The following OSMR variants were observed in gnomAD, a reference collection of about 807,000 sequenced individuals.
The protein encoded by OSMR is oncostatin-M-specific receptor subunit beta.
A neutral mutation model predicts 99.9 loss-of-function variants in OSMR; 81 were observed. That is an observed-to-expected ratio of 0.81 (90% CI 0.68 to 0.97). The LOEUF is 0.97. Ranked by LOEUF, OSMR falls within the 50% of genes least tolerant of loss-of-function variation. The pLI, the probability that OSMR is intolerant of heterozygous loss-of-function variation, is 0.00. For synonymous variants in OSMR, 406 were observed against 410.4 expected, an observed-to-expected ratio of 0.99 and a Z score of 0.13; for missense variants, 1,099 against 1,153.4, an observed-to-expected ratio of 0.95 and a Z score of 0.68.
intron 9 of OSMR, among the ~76,000 whole-genome samples, chr5:38,912,021 C>G (rs562540441): frequency 3.4e-4 from 51 of 152,026 alleles, no homozygotes; most frequent in South Asian, 2.9e-3. Context: ...GATGTCCACT[C>G]TCACCACTCC....
At chr5:38,875,146 T>G (rs143153153) in intron 2 of OSMR, among the ~76,000 whole-genome samples, 1 of 152,256 alleles carries the variant, frequency 6.6e-6, no homozygotes. Context: ...TCTTACGCCA[T>G]GAGTCATCAG....
chr5:38,876,152 A>C, intron 2 of OSMR, 49 bp from the exon 3 acceptor site: 1 of 1,590,692 alleles, frequency 6.3e-7, no homozygotes, highest in Non-Finnish European at 8.6e-7. Context: ...TGACTCTTCA[A>C]TCATGCTCCT....
At chr5:38,920,479 C>A (rs567103037) in intron 11 of OSMR, among the ~76,000 whole-genome samples, 2 of 152,164 alleles carry the variant, frequency 1.3e-5, no homozygotes, top group African/African-American at 4.8e-5. Flanking sequence ...TGAAAAATGT[C>A]GGCCTTAATA....
At chr5:38,856,718 T>G (rs1422043916) in intron 1 of OSMR, among the ~76,000 whole-genome samples, 1 of 152,206 alleles carries the variant, frequency 6.6e-6, no homozygotes, top group Non-Finnish European at 1.5e-5. Flanking sequence ...CATGGCTCAC[T>G]GCACCCTTGA....
At chr5:38,904,194 A>G in intron 8 of OSMR, 159 bp from the exon 9 acceptor site, 3 of 985,116 alleles carry the variant, frequency 3.0e-6, no homozygotes, top group Non-Finnish European at 3.6e-6. Context: ...TGGTTAGGAA[A>G]TGGGCCTTGA....
At chr5:38,862,318 C>G (rs1440472224) in intron 1 of OSMR, among the ~76,000 whole-genome samples, 1 of 93,052 alleles carries the variant, frequency 1.1e-5, no homozygotes, top group South Asian at 5.1e-4. Context: ...CCCTCCCGGA[C>G]GGGGTGGCTG....
At position 38,886,120 on chromosome 5, in the gene OSMR, C is replaced by G. The variant is rs765627443; in HGVS notation, c.921C>G (p.Asn307Lys). 2 of 1,614,030 alleles carry G rather than the reference C, an allele frequency of 1.2e-6. No homozygotes were observed. The highest frequency in any genetic ancestry group is 2.2e-5 in the South Asian group (2 of 91,054). Residue 307 changes from asparagine (N) to lysine (K), a missense_variant, in exon 7 of 18, where the codon AAC becomes AAG. Transcript: ENST00000274276. ...QITQDSQETY[N>K]FTLIAENYLR... ...CTCAAGACTCACAAGAAACCTATAA[C>G]TTCACACTCATAGCTGAAAATTACT...
chr5:38,850,608 G>T (rs1011251787), intron 1 of OSMR, among the ~76,000 whole-genome samples: 1 of 152,188 alleles, frequency 6.6e-6, no homozygotes, highest in Non-Finnish European at 1.5e-5. Context: ...AAGCACAATT[G>T]TAAGTGGCTT....
rs553431250 is a variant in OSMR, at chr5:38,920,401, G to C, written c.1586-1214G>C. ...TCTCAAAACATATTTTCAATTTAAA[G>C]AAACAGCTTTCTAAGAGTTTCAACC... On this transcript the variant is annotated intron_variant, in intron 11 of 17. Coordinates refer to ENST00000274276, the MANE Select transcript of OSMR (RefSeq NM_003999.3). Among the ~76,000 whole-genome samples, 4 of 152,318 alleles carry C rather than the reference G, an allele frequency of 2.6e-5. No homozygotes were observed. The South Asian group carries it at 8.3e-4, about 32-fold the overall frequency.
At chr5:38,873,764 T>A (rs1272466809) in intron 2 of OSMR, among the ~76,000 whole-genome samples, 3 of 152,248 alleles carry the variant, frequency 2.0e-5, no homozygotes, top group Non-Finnish European at 4.4e-5. Flanking sequence ...TTCATGTGCT[T>A]GTTAGCCATT....
chr5:38,863,133 C>T (rs1306566042), intron 1 of OSMR, among the ~76,000 whole-genome samples: 16 of 140,448 alleles, frequency 1.1e-4, no homozygotes, highest in African/African-American at 3.2e-4. Context: ...AGCTTCGGCT[C>T]GGCATCAGAG....
intron 1 of OSMR, chr5:38,942,853 G>C: frequency 6.2e-7 from 1 of 1,609,522 alleles, no homozygotes. Context: ...TGTACATCTT[G>C]AAATAATTCT....
At chr5:38,932,093 T>C in intron 16 of OSMR, 129 bp downstream of exon 16, 1 of 780,160 alleles carries the variant, frequency 1.3e-6, no homozygotes, top group Non-Finnish European at 2.2e-6. Context: ...CAAAGGAGGC[T>C]GGGGTGAGAG....
downstream of OSMR, chr5:38,938,962 G>A (rs1256865428): frequency 1.3e-5 from 3 of 232,874 alleles, no homozygotes; most frequent in East Asian, 1.8e-4. Flanking sequence ...TGAGACAAAA[G>A]TGGAAGCATA....
chr5:38,877,638 T>C (rs1742942458), intron 3 of OSMR, among the ~76,000 whole-genome samples: 2 of 152,172 alleles, frequency 1.3e-5, no homozygotes, highest in South Asian at 4.1e-4. Context: ...GCAAAGGTCA[T>C]ATTGAGACTA....
chr5:38,928,032 C>T (rs1274999708), intron 15 of OSMR, among the ~76,000 whole-genome samples: 1 of 152,178 alleles, frequency 6.6e-6, no homozygotes, highest in Non-Finnish European at 1.5e-5. Flanking sequence ...CCAACAAGTT[C>T]CTCATCTCCA....
intron 7 of OSMR, among the ~76,000 whole-genome samples, chr5:38,897,749 A>G (rs1744612421): frequency 6.6e-6 from 1 of 152,034 alleles, no homozygotes; most frequent in African/African-American, 2.4e-5. Flanking sequence ...TGATGTGGGC[A>G]CTTATGGCTA....
intron 15 of OSMR, among the ~76,000 whole-genome samples, chr5:38,928,876 G>A (rs1406304998): frequency 1.3e-5 from 2 of 151,880 alleles, no homozygotes; most frequent in South Asian, 4.2e-4. Flanking sequence ...AGTTTTATTC[G>A]ACCTTTGGAA....
intron 15 of OSMR, among the ~76,000 whole-genome samples, chr5:38,930,620 G>A (rs1158725712): frequency 6.6e-6 from 1 of 152,148 alleles, no homozygotes; most frequent in Non-Finnish European, 1.5e-5. Context: ...TTATTATTTG[G>A]TGGAAATTGC....
Sources: allele counts gnomAD v4.1 joint callset (sites outside exome capture counted in the v4.1 genomes callset), GRCh38; gene constraint gnomAD v4.1.1; transcripts MANE v1.5; gene names NCBI Gene and HGNC (gene_info 2026-07-23, HGNC 2026-07-21).